BRIP1: variants seen among roughly 807,000 people sequenced by gnomAD.
BRIP1 encodes Fanconi anemia group J protein.
A neutral mutation model predicts 119.7 loss-of-function variants in BRIP1; 88 were observed. That is an observed-to-expected ratio of 0.74 (90% CI 0.62 to 0.88). The LOEUF (loss-of-function observed/expected upper bound fraction) is 0.88, where lower values mean the gene tolerates loss of function less well. BRIP1 is among the 40% of genes least tolerant of loss of function. The pLI, the probability that BRIP1 is intolerant of heterozygous loss-of-function variation, is 0.00. For synonymous variants in BRIP1, 443 were observed against 496.5 expected, an observed-to-expected ratio of 0.89 and a Z score of 1.43; for missense variants, 1,259 against 1,455.4, an observed-to-expected ratio of 0.87 and a Z score of 2.20.
chr17:61,749,141 A>AT (rs1259261267), intron 14 of BRIP1, among the ~76,000 whole-genome samples: 5 of 151,868 alleles, frequency 3.3e-5, no homozygotes, highest in Admixed American at 1.3e-4. Flanking sequence ...GTCTAAAAAA[A>AT]AAAAAGACTT....
rs1483288966 is a variant in BRIP1 at position 61,754,706 on chromosome 17, T to C, written c.2098-10115A>G. Among the ~76,000 whole-genome samples, 1 of 152,222 alleles carries C rather than the reference T, an allele frequency of 6.6e-6. No homozygotes were observed. Among genetic ancestry groups the C allele is most frequent in the Non-Finnish European group, 1.5e-5 (1 of 68,034 alleles). ...ATGAAGTCCAAGATAAAGGTGCCTGTTAACTTGATTTCTGGTTAGGGCTCT... is the reference window on the plus strand; with the variant it reads ...ATGAAGTCCAAGATAAAGGTGCCTGCTAACTTGATTTCTGGTTAGGGCTCT... On this transcript the variant is annotated intron_variant, in intron 14 of 19. Coordinates refer to ENST00000259008, the MANE Select transcript of BRIP1 (RefSeq NM_032043.3). This position sits in a 1 kb window ranked among gnomAD's most constrained non-coding sequence, Gnocchi z 4.1.
chr17:61,763,883 T>A (rs1167694883), intron 14 of BRIP1, among the ~76,000 whole-genome samples: 1 of 152,288 alleles, frequency 6.6e-6, no homozygotes, highest in East Asian at 1.9e-4. Flanking sequence ...AGTACAGCAT[T>A]TCTCTATGAA....
chr17:61,688,955 CAGACTT>C (rs928124390), intron 18 of BRIP1, among the ~76,000 whole-genome samples: 39 of 151,466 alleles, frequency 2.6e-4, no homozygotes, highest in Admixed American at 4.6e-4. Flanking sequence ...GGTTCATCAG[CAGACTT>C]GATCAAGCAG....
intron 4 of BRIP1, among the ~76,000 whole-genome samples, chr17:61,855,979 T>C (rs1952677692): frequency 6.6e-6 from 1 of 152,184 alleles, no homozygotes; most frequent in Non-Finnish European, 1.5e-5. Context: ...CAGTGATGGA[T>C]ACCCCAAGGA....
intron 10 of BRIP1, among the ~76,000 whole-genome samples, chr17:61,792,845 A>G (rs1176116051): frequency 6.6e-6 from 1 of 152,200 alleles, no homozygotes; most frequent in Non-Finnish European, 1.5e-5. Flanking sequence ...ATGTAGCAAT[A>G]ATGGTTCATC....
At chr17:61,792,247 T>C (rs2077829973) in intron 10 of BRIP1, among the ~76,000 whole-genome samples, 1 of 152,204 alleles carries the variant, frequency 6.6e-6, no homozygotes, top group African/African-American at 2.4e-5. Flanking sequence ...TACCCGGCAG[T>C]TACAGCCACT....
In BRIP1 at chr17:61,709,503, G is replaced by A. The variant is rs970160936; in HGVS notation, c.2492+6448C>T. Reference sequence around the variant, plus strand: ...ACCATAACACTGGGAAGGATAGGAAGAAGATTAATATTGTCAATACTACAG... The same window carrying A: ...ACCATAACACTGGGAAGGATAGGAAAAAGATTAATATTGTCAATACTACAG... On this transcript the variant is annotated intron_variant, in intron 17 of 19. Coordinates refer to ENST00000259008, the MANE Select transcript of BRIP1 (RefSeq NM_032043.3). The surrounding 1 kb of genome is among the most constrained non-coding windows in gnomAD (Gnocchi z 5.0). 4.6e-5 allele frequency among the ~76,000 whole-genome samples: 7 copies of A among 152,096 alleles called. No individual in the cohort carries two copies. The highest frequency in any genetic ancestry group is 1.7e-4 in the African/African-American group (7 of 41,438).
rs905169619 is a variant in BRIP1 at position 61,703,804 on chromosome 17, T to G, written c.2493-10292A>C. Among the ~76,000 whole-genome samples, 3 of 152,114 alleles carry G rather than the reference T, an allele frequency of 2.0e-5. No homozygotes were observed. The highest frequency in any genetic ancestry group is 1.9e-4 in the East Asian group (1 of 5,182). ...AGTCTTTAATTCACCCTGAGGTGGT[T>G]GTTGTATATAGTGTAAGGAAGGGGG... On this transcript the variant is annotated intron_variant, in intron 17 of 19. Transcript: ENST00000259008. This position sits in a 1 kb window ranked among gnomAD's most constrained non-coding sequence, Gnocchi z 5.0.
At chr17:61,818,140 C>G (rs1385752136) in intron 6 of BRIP1, among the ~76,000 whole-genome samples, 1 of 124,226 alleles carries the variant, frequency 8.0e-6, no homozygotes, top group Non-Finnish European at 1.6e-5. Flanking sequence ...ATCACTTGTG[C>G]TTGGGAGTTC....
rs1603325082 is a variant in BRIP1 at position 61,773,566 on chromosome 17, C to T, written c.2097+2835G>A. 2.0e-5 allele frequency among the ~76,000 whole-genome samples: 3 copies of T among 152,090 alleles called. 1 individual carries two copies. The South Asian group carries it at 6.2e-4, about 32-fold the overall frequency. On this transcript the variant is annotated intron_variant, in intron 14 of 19. Coordinates refer to ENST00000259008, the MANE Select transcript of BRIP1 (RefSeq NM_032043.3). ...AAAAGCCAAAATTGAAAAATGGGATCTAATTAAACTAAAGAGCTTCAGTAC... is the reference window on the plus strand; with the variant it reads ...AAAAGCCAAAATTGAAAAATGGGATTTAATTAAACTAAAGAGCTTCAGTAC...
At position 61,739,565 on chromosome 17, in the gene BRIP1, T is replaced by A. The variant is rs1404435709; in HGVS notation, c.2379+3448A>T. Reference sequence around the variant, plus strand: ...AAGGGCTACCAAAAGAAATACTGCTTATTACTGTTAATGTTACCTAAAGAC... The same window carrying A: ...AAGGGCTACCAAAAGAAATACTGCTAATTACTGTTAATGTTACCTAAAGAC... On this transcript the variant is annotated intron_variant, in intron 16 of 19. Transcript: ENST00000259008. This position sits in a 1 kb window ranked among gnomAD's most constrained non-coding sequence, Gnocchi z 6.0. Among the ~76,000 whole-genome samples, 1 of 152,202 alleles carries A rather than the reference T, an allele frequency of 6.6e-6. No individual in the cohort carries two copies. The highest frequency in any genetic ancestry group is 1.5e-5 in the Non-Finnish European group (1 of 68,048).
In BRIP1 at chr17:61,729,279, A is replaced by C. The variant is rs1567767543; in HGVS notation, c.2380-13216T>G. ...GGGAAACAAAAGCAAACTCCGTCTC[A>C]AAAACAAAACAAAACAAAACAAACA... On this transcript the variant is annotated intron_variant, in intron 16 of 19. Transcript: ENST00000259008. This position sits in a 1 kb window ranked among gnomAD's most constrained non-coding sequence, Gnocchi z 5.6. 6.6e-6 allele frequency among the ~76,000 whole-genome samples: 1 copy of C among 152,130 alleles called. No individual in the cohort carries two copies. The highest frequency in any genetic ancestry group is 1.9e-4 in the East Asian group (1 of 5,200).
chr17:61,689,598 G>T lies in BRIP1; in HGVS notation c.2576-3433C>A, dbSNP rs544543490. On this transcript the variant is annotated intron_variant, in intron 18 of 19. Coordinates refer to ENST00000259008, the MANE Select transcript of BRIP1 (RefSeq NM_032043.3). This position sits in a 1 kb window ranked among gnomAD's most constrained non-coding sequence, Gnocchi z 4.5. ...GAAGCCCAGTGAACCTGAACAGGAT[G>T]AACCCAAAAGTCTGTACCAAAACAC... 3.3e-5 allele frequency among the ~76,000 whole-genome samples: 5 copies of T among 152,224 alleles called. No individual in the cohort carries two copies. The South Asian group carries it at 1.0e-3, about 32-fold the overall frequency.
chr17:61,819,581 T>A (rs2078290371), intron 6 of BRIP1, among the ~76,000 whole-genome samples: 1 of 152,150 alleles, frequency 6.6e-6, no homozygotes, highest in Non-Finnish European at 1.5e-5. Context: ...TTCAACAACA[T>A]AAATGGAACT....
At chr17:61,837,289 T>C (rs370017977) in intron 6 of BRIP1, among the ~76,000 whole-genome samples, 1 of 151,360 alleles carries the variant, frequency 6.6e-6, no homozygotes, top group African/African-American at 2.4e-5. Flanking sequence ...ATTAAAACCA[T>C]AAAGTAAAAG....
intron 17 of BRIP1, among the ~76,000 whole-genome samples, chr17:61,714,342 G>T (rs2061825235): frequency 1.3e-5 from 2 of 152,260 alleles, no homozygotes; most frequent in South Asian, 4.1e-4. Context: ...TCTATTCGTG[G>T]TAAGTGCCAT....
At chr17:61,849,709 C>G (rs753638160) in intron 4 of BRIP1, among the ~76,000 whole-genome samples, 2 of 152,158 alleles carry the variant, frequency 1.3e-5, no homozygotes, top group Admixed American at 6.5e-5. Flanking sequence ...AGCTCCTTCT[C>G]AAGGTCATCC....
Position 61,848,372 on chromosome 17 carries a change from G to C in BRIP1, c.507+757C>G, listed in dbSNP as rs113472309. On this transcript the variant is annotated intron_variant, in intron 5 of 19. Coordinates refer to ENST00000259008, the MANE Select transcript of BRIP1 (RefSeq NM_032043.3). The surrounding 1 kb of genome is among the most constrained non-coding windows in gnomAD (Gnocchi z 4.3). ...TGTAGGGCTCATGCCACCACACCCG[G>C]TCTTTTTTTTTACTTTTTTGTGGAG... Among the ~76,000 whole-genome samples the C allele has an allele frequency of 6.6e-5, 10 of 151,358 alleles. No homozygotes were observed. Among genetic ancestry groups the C allele is most frequent in the Non-Finnish European group, 1.3e-4 (9 of 67,884 alleles).
rs186496573 is a variant in BRIP1 at position 61,825,523 on chromosome 17, G to T, written c.628-16766C>A. Among the ~76,000 whole-genome samples, 1 of 151,440 alleles carries T rather than the reference G, an allele frequency of 6.6e-6. No individual in the cohort carries two copies. Among genetic ancestry groups the T allele is most frequent in the African/African-American group, 2.4e-5 (1 of 41,214 alleles). ...CTTAAGCTGATAAACAACTTGTCAG[G>T]ATACTAAATCAATATGCAAAATTTA... On this transcript the variant is annotated intron_variant, in intron 6 of 19. Coordinates refer to ENST00000259008, the MANE Select transcript of BRIP1 (RefSeq NM_032043.3). This position sits in a 1 kb window ranked among gnomAD's most constrained non-coding sequence, Gnocchi z 4.1.
Sources: gnomAD v4.1 joint callset for allele counts (sites outside exome capture counted in the v4.1 genomes callset) on GRCh38, gnomAD v4.1.1 for gene constraint, Gnocchi (gnomAD v3.1) non-coding constraint, MANE v1.5 for transcripts, NCBI Gene and HGNC (gene_info 2026-07-23, HGNC 2026-07-21) for gene names.